Variants in P4HA2 observed in about 807,000 individuals in gnomAD.
P4HA2 encodes prolyl 4-hydroxylase subunit alpha-2.
In P4HA2, 46 loss-of-function variants were observed where a neutral mutation model predicts 76.9. That is an observed-to-expected ratio of 0.60 (90% confidence interval 0.47 to 0.76). The LOEUF (loss-of-function observed/expected upper bound fraction) is 0.76, where lower values mean the gene tolerates loss of function less well. Ranked by LOEUF, P4HA2 falls within the 30% of genes least tolerant of loss-of-function variation. The pLI is 0.00. For synonymous variants in P4HA2, 243 were observed against 254.0 expected, an observed-to-expected ratio of 0.96 and a Z score of 0.41; for missense variants, 583 against 669.4, an observed-to-expected ratio of 0.87 and a Z score of 1.42.
Position 132,191,060 on chromosome 5 carries a change from C to T in P4HA2, c.*1950G>A, listed in dbSNP as rs1177651983. 1.3e-5 allele frequency among the ~76,000 whole-genome samples: 2 copies of T among 152,164 alleles called. No homozygotes were observed. The highest frequency in any genetic ancestry group is 1.9e-4 in the East Asian group (1 of 5,198). ...CTAGTAGGTTTGTTTCTGGTAAGGG[C>T]CCCCTGGTTCATAGACAGGCATCTT... On this transcript the variant is annotated 3_prime_UTR_variant, in exon 15 of 15. Transcript: ENST00000360568.
At chr5:132,204,795 C>A (rs1751974136) in intron 8 of P4HA2, among the ~76,000 whole-genome samples, 1 of 152,222 alleles carries the variant, frequency 6.6e-6, no homozygotes, top group Non-Finnish European at 1.5e-5. Context: ...AATAAGTGAA[C>A]CACTGCCTGG....
intron 11 of P4HA2, 50 bp from the exon 12 acceptor site, chr5:132,198,430 C>G: frequency 6.4e-7 from 1 of 1,555,698 alleles, no homozygotes; most frequent in Non-Finnish European, 8.8e-7. Context: ...CTTCATCCAC[C>G]ACCCACAAGA....
At chr5:132,210,772 G>A (rs774662253) in intron 5 of P4HA2, among the ~76,000 whole-genome samples, 2 of 152,154 alleles carry the variant, frequency 1.3e-5, no homozygotes, top group Non-Finnish European at 2.9e-5. Flanking sequence ...AGTGGGAAGG[G>A]GCCTTTTTAG....
Position 132,225,478 on chromosome 5 carries a change from C to T in P4HA2, c.-19+2312G>A, listed in dbSNP as rs539761159. On this transcript the variant is annotated intron_variant, in intron 1 of 14. Transcript: ENST00000360568. ...AGGAAATGAGGAGACCCTAGATTCC[C>T]TCAACCGACTCATTCCTCAGAGCTG... Among the ~76,000 whole-genome samples the T allele has an allele frequency of 5.7e-4, 87 of 152,294 alleles. 1 individual carries two copies. Among genetic ancestry groups the T allele is most frequent in the African/African-American group, 2.0e-3 (83 of 41,550 alleles).
At chr5:132,207,637 C>T in intron 8 of P4HA2, 71 bp downstream of exon 8, 1 of 1,364,754 alleles carries the variant, frequency 7.3e-7, no homozygotes, top group Non-Finnish European at 1.0e-6. Flanking sequence ...ACCAACCACC[C>T]ATAGTGCTAG....
chr5:132,206,478 C>T (rs1483339117), intron 8 of P4HA2, among the ~76,000 whole-genome samples: 1 of 152,184 alleles, frequency 6.6e-6, no homozygotes, highest in Admixed American at 6.5e-5. Context: ...AGTGTCGGGC[C>T]TCCTGGTCAC....
chr5:132,193,087 A>G lies in P4HA2; in HGVS notation c.1532-7T>C, dbSNP rs1239369558. On this transcript the variant is annotated splice_polypyrimidine_tract_variant and splice_region_variant and intron_variant, in intron 14 of 14. Transcript: ENST00000360568. ...TGGAACCACTTATTGGAGACTGTGA[A>G]AAGAAAGCAAGCATGTTACAATCCT... 1 of 1,607,100 alleles carries G rather than the reference A, an allele frequency of 6.2e-7. No homozygotes were observed. The highest frequency in any genetic ancestry group is 1.7e-5 in the Admixed American group (1 of 60,020).
intron 14 of P4HA2, chr5:132,193,348 T>G: frequency 2.2e-5 from 6 of 276,080 alleles, no homozygotes; most frequent in East Asian, 6.7e-5. Flanking sequence ...TGCCCTTTCA[T>G]GCCCATGACC....
At chr5:132,225,050 A>G (rs1003014849) in intron 1 of P4HA2, among the ~76,000 whole-genome samples, 5 of 10,610 alleles carry the variant, frequency 4.7e-4, no homozygotes, top group Admixed American at 4.4e-3. Context: ...TGCTCTGAGG[A>G]AAAAAAAAAA....
At chr5:132,208,653 T>C (rs1016270137) in intron 7 of P4HA2, among the ~76,000 whole-genome samples, 3 of 151,774 alleles carry the variant, frequency 2.0e-5, no homozygotes, top group African/African-American at 7.3e-5. Context: ...GAGGAGCCAG[T>C]AGAAGCCATG....
At position 132,193,026 on chromosome 5, in the gene P4HA2, G is replaced by A; in HGVS notation, c.1586C>T (p.Ser529Leu). The A allele has an allele frequency of 6.2e-7, 1 of 1,610,650 alleles. No individual in the cohort carries two copies. Among genetic ancestry groups the A allele is most frequent in the Non-Finnish European group, 8.5e-7 (1 of 1,176,822 alleles). Residue 529 changes from serine to leucine, a missense_variant, in exon 15 of 15, where the codon TCA becomes TTA. Ser to Leu is a moderately radical substitution (Grantham distance 145). Coordinates refer to ENST00000360568, the MANE Select transcript of P4HA2 (RefSeq NM_001017974.2). The stretch of plus-strand genomic sequence containing the variant: ...AAAAGGATGTCAGTCAACTTCTGTT[G>A]ATCCACAAGGTCTCAAGAACTCCTG... Reference protein sequence around the residue: ...RGQEFLRPCGSTEVD With the variant: ...RGQEFLRPCGLTEVD
At chr5:132,196,632 G>A (rs576521643) in intron 12 of P4HA2, among the ~76,000 whole-genome samples, 7 of 152,084 alleles carry the variant, frequency 4.6e-5, no homozygotes, top group South Asian at 4.2e-4. Flanking sequence ...AGGCCAAGGC[G>A]GGTGGATCAC....
chr5:132,219,730 C>T (rs1192639734), intron 1 of P4HA2, among the ~76,000 whole-genome samples: 4 of 152,124 alleles, frequency 2.6e-5, no homozygotes, highest in African/African-American at 2.4e-5. Flanking sequence ...AAAACATAAG[C>T]CTTATCTGAC....
At chr5:132,213,854 C>T in intron 5 of P4HA2, 62 bp downstream of exon 5, 3 of 1,560,056 alleles carry the variant, frequency 1.9e-6, no homozygotes, top group Non-Finnish European at 2.6e-6. Flanking sequence ...GTGGTGGCTC[C>T]AACCTGTCCC....
At position 132,190,608 on chromosome 5, in the gene P4HA2, C is replaced by T. The variant is rs73788822; in HGVS notation, c.*2402G>A. Among the ~76,000 whole-genome samples, 1,944 of 152,236 alleles carry T rather than the reference C, an allele frequency of 0.013. 50 individuals are homozygous for T. Among genetic ancestry groups the T allele is most frequent in the African/African-American group, 0.044 (1,840 of 41,538 alleles). ...TAAAGATAAACCTAAATGACAAAGA[C>T]TATATAGCTTTCAGAAGAGAACACA... On this transcript the variant is annotated 3_prime_UTR_variant, in exon 15 of 15. Transcript: ENST00000360568.
chr5:132,217,713 A>G, intron 3 of P4HA2, 39 bp downstream of exon 3: 1 of 1,243,326 alleles, frequency 8.0e-7, no homozygotes, highest in Non-Finnish European at 1.2e-6. Flanking sequence ...GGCAGAAGGG[A>G]AGGAAGGCCA....
In P4HA2 at chr5:132,217,229, A is replaced by G; in HGVS notation, c.299T>C (p.Leu100Pro). ...TGAGTCCTGCAGGACAAGGTCCTCCAGCGCAGGCCAGTCTGTGTTTAGCCG... is the reference window on the plus strand; with the variant it reads ...TGAGTCCTGCAGGACAAGGTCCTCCGGCGCAGGCCAGTCTGTGTTTAGCCG... ...VKRLNTDWPA[L>P]EDLVLQDSAA... Residue 100 changes from leucine to proline, a missense_variant, in exon 4 of 15, where the codon CTG becomes CCG. By Grantham distance (98) the Leu-to-Pro change is moderately conservative. Coordinates refer to ENST00000360568, the MANE Select transcript of P4HA2 (RefSeq NM_001017974.2). The G allele has an allele frequency of 6.2e-7, 1 of 1,614,224 alleles. No homozygotes were observed. Among genetic ancestry groups the G allele is most frequent in the Non-Finnish European group, 8.5e-7 (1 of 1,180,040 alleles).
intron 10 of P4HA2, chr5:132,202,180 T>C (rs2126556067): frequency 6.6e-6 from 1 of 152,112 alleles, no homozygotes. Flanking sequence ...AGAATTTATT[T>C]AAAAATTACA....
intron 8 of P4HA2, 87 bp from the exon 9 acceptor site, chr5:132,204,239 T>C: frequency 9.6e-7 from 1 of 1,037,816 alleles, no homozygotes; most frequent in Non-Finnish European, 1.5e-6. Flanking sequence ...TGGGACCAGA[T>C]TTACTGCCAT....
Sources: allele counts gnomAD v4.1 joint callset (sites outside exome capture counted in the v4.1 genomes callset), GRCh38; gene constraint gnomAD v4.1.1; transcripts MANE v1.5; gene names NCBI Gene and HGNC (gene_info 2026-07-23, HGNC 2026-07-21).